The following EPHA7 variants were observed in gnomAD, a reference collection of about 807,000 sequenced individuals.
The protein encoded by EPHA7 is EPH receptor A7.
Under a neutral mutation model 112.6 loss-of-function variants are expected in EPHA7, and 25 were observed. The ratio of observed to expected loss-of-function variants is 0.22; its 90% CI spans 0.16 to 0.31. The LOEUF is 0.31. Ranked by LOEUF, EPHA7 falls within the 10% of genes least tolerant of loss-of-function variation. The pLI, the probability that EPHA7 is intolerant of heterozygous loss-of-function variation, is 1.00. For synonymous variants in EPHA7, 437 were observed against 406.5 expected, an observed-to-expected ratio of 1.07 and a Z score of -0.90; for missense variants, 962 against 1,212.6, an observed-to-expected ratio of 0.79 and a Z score of 3.07.
intron 5 of EPHA7, among the ~76,000 whole-genome samples, chr6:93,292,094 A>G (rs1034708273): frequency 6.6e-6 from 1 of 152,160 alleles, no homozygotes; most frequent in African/African-American, 2.4e-5. Flanking sequence ...CAGTAAACAG[A>G]AAGTGTATTA....
chr6:93,320,234 A>G (rs1411149218), intron 5 of EPHA7, among the ~76,000 whole-genome samples: 1 of 152,034 alleles, frequency 6.6e-6, no homozygotes, highest in Non-Finnish European at 1.5e-5. Flanking sequence ...TTTACTCAGA[A>G]GTGCTTTAAT....
At chr6:93,417,417 ACCCT>A (rs1779295096) in intron 1 of EPHA7, among the ~76,000 whole-genome samples, 1 of 151,118 alleles carries the variant, frequency 6.6e-6, no homozygotes, top group African/African-American at 2.4e-5. Context: ...ACAGATCACC[ACCCT>A]CCCTCCCATC....
intron 2 of EPHA7, among the ~76,000 whole-genome samples, chr6:93,414,477 C>G (rs1345988413): frequency 6.6e-6 from 1 of 151,496 alleles, no homozygotes; most frequent in Non-Finnish European, 1.5e-5. Flanking sequence ...AATAAGAACT[C>G]AAAAGACTAT....
At chr6:93,360,687 G>T (rs1467128294) in intron 3 of EPHA7, among the ~76,000 whole-genome samples, 2 of 152,028 alleles carry the variant, frequency 1.3e-5, no homozygotes, top group African/African-American at 2.4e-5. Context: ...GAATCTATAT[G>T]ATACTAATGC....
At chr6:93,335,213 AC>A (rs1361262207) in intron 5 of EPHA7, among the ~76,000 whole-genome samples, 2 of 152,120 alleles carry the variant, frequency 1.3e-5, no homozygotes, top group Non-Finnish European at 2.9e-5. Context: ...ATCTAGTCTT[AC>A]TTTTTTCTGC....
At chr6:93,348,420 C>T (rs1490745052) in intron 5 of EPHA7, among the ~76,000 whole-genome samples, 1 of 151,766 alleles carries the variant, frequency 6.6e-6, no homozygotes, top group East Asian at 1.9e-4. Context: ...CAATCCTGAT[C>T]TCTGTGCTTC....
chr6:93,390,507 A>G (rs1777849932), intron 3 of EPHA7, among the ~76,000 whole-genome samples: 1 of 151,336 alleles, frequency 6.6e-6, no homozygotes, highest in East Asian at 1.9e-4. Context: ...AACATATGCT[A>G]GAGTCTTTAG....
intron 5 of EPHA7, among the ~76,000 whole-genome samples, chr6:93,301,734 C>T (rs932599793): frequency 6.6e-6 from 1 of 152,176 alleles, no homozygotes; most frequent in African/African-American, 2.4e-5. Context: ...CCTATACTTA[C>T]AGCATAGTGA....
intron 5 of EPHA7, among the ~76,000 whole-genome samples, chr6:93,320,513 G>A (rs1007296893): frequency 2.0e-5 from 3 of 151,864 alleles, no homozygotes; most frequent in Non-Finnish European, 2.9e-5. Flanking sequence ...TCACTTGGGA[G>A]AAAAACAATT....
At position 93,242,348 on chromosome 6, in the gene EPHA7, G is replaced by A. The variant is rs1425465515; in HGVS notation, c.*1078C>T. The A allele has an allele frequency of 5.0e-6, 1 of 199,932 alleles. No individual in the cohort carries two copies. The highest frequency in any genetic ancestry group is 1.0e-5 in the Non-Finnish European group (1 of 96,664). The allele number at this position is 199,932 out of a possible 1,614,324, so 12.4% of individuals were successfully genotyped here. A position where few individuals can be genotyped will look rare whatever the true frequency, so the allele number is the denominator to read the frequency against. The stretch of plus-strand genomic sequence containing the variant: ...AAATTGTGAACTGCCCCTTTATCAT[G>A]CTTCAGAGTTATAATATAAAACAAT... On this transcript the variant is annotated 3_prime_UTR_variant, in exon 17 of 17. Transcript: ENST00000369303.
intron 5 of EPHA7, among the ~76,000 whole-genome samples, chr6:93,323,844 A>G (rs1226874437): frequency 1.3e-5 from 2 of 151,428 alleles, no homozygotes; most frequent in Non-Finnish European, 3.0e-5. Context: ...TCAACTAAAC[A>G]TTTTCACACC....
chr6:93,350,613 G>C (rs1775642188), intron 5 of EPHA7, among the ~76,000 whole-genome samples: 1 of 151,948 alleles, frequency 6.6e-6, no homozygotes, highest in Non-Finnish European at 1.5e-5. Context: ...AATTCTTTTT[G>C]AGAGACTCTA....
intron 5 of EPHA7, among the ~76,000 whole-genome samples, chr6:93,344,175 A>G (rs1775277182): frequency 6.6e-6 from 1 of 151,638 alleles, no homozygotes; most frequent in African/African-American, 2.4e-5. Context: ...AGATGTGTAT[A>G]AACAGTCCTT....
chr6:93,298,395 A>C (rs1471867194), intron 5 of EPHA7, among the ~76,000 whole-genome samples: 1 of 152,158 alleles, frequency 6.6e-6, no homozygotes, highest in Non-Finnish European at 1.5e-5. Context: ...CAAACATCAT[A>C]TCAGAGCCAT....
intron 5 of EPHA7, among the ~76,000 whole-genome samples, chr6:93,276,726 T>C (rs1161955938): frequency 1.3e-5 from 2 of 152,086 alleles, no homozygotes; most frequent in Non-Finnish European, 2.9e-5. Context: ...AAATTGTATG[T>C]TGAAATAGCA....
At chr6:93,312,134 C>T (rs1773573957) in intron 5 of EPHA7, among the ~76,000 whole-genome samples, 1 of 152,126 alleles carries the variant, frequency 6.6e-6, no homozygotes, top group Non-Finnish European at 1.5e-5. Context: ...AGCAGTATCT[C>T]CAACTCCAAT....
At chr6:93,417,969 A>C (rs1049236985) in intron 1 of EPHA7, among the ~76,000 whole-genome samples, 1 of 152,104 alleles carries the variant, frequency 6.6e-6, no homozygotes, top group Non-Finnish European at 1.5e-5. Flanking sequence ...GAAAAGGTGC[A>C]CTAAGTTTTC....
At chr6:93,321,852 T>C (rs1582517607) in intron 5 of EPHA7, among the ~76,000 whole-genome samples, 1 of 152,002 alleles carries the variant, frequency 6.6e-6, no homozygotes, top group East Asian at 1.9e-4. Context: ...ATGTTGGCTT[T>C]TAGAAATGTT....
intron 3 of EPHA7, among the ~76,000 whole-genome samples, chr6:93,382,189 G>A (rs977904951): frequency 2.0e-5 from 3 of 152,118 alleles, no homozygotes; most frequent in Admixed American, 6.5e-5. Flanking sequence ...TGGTACCAGG[G>A]ACTGGTTTTG....
Sources: allele counts gnomAD v4.1 joint callset (sites outside exome capture counted in the v4.1 genomes callset), GRCh38; gene constraint gnomAD v4.1.1; transcripts MANE v1.5; gene names NCBI Gene and HGNC (gene_info 2026-07-23, HGNC 2026-07-21).